EPB41L1: variants seen among roughly 807,000 people sequenced by gnomAD.
EPB41L1 encodes the protein erythrocyte membrane protein band 4.1 like 1, also known as band 4.1-like protein 1.
A neutral mutation model predicts 97.8 loss-of-function variants in EPB41L1; 29 were observed. The ratio of observed to expected loss-of-function variants is 0.30; its 90% confidence interval spans 0.22 to 0.40. The LOEUF is 0.40. EPB41L1 is among the 10% of genes least tolerant of loss of function. The pLI, the probability that EPB41L1 is intolerant of heterozygous loss-of-function variation, is 1.00. For synonymous variants in EPB41L1, 383 were observed against 459.2 expected (o/e 0.83, Z 2.12); for missense variants, 812 against 1,162.3 (o/e 0.70, Z 4.38).
chr20:36,198,124 C>A, intron 14 of EPB41L1, 83 bp downstream of exon 14: 1 of 1,266,316 alleles, frequency 7.9e-7, no homozygotes. Flanking sequence ...ACTCATCCTC[C>A]ACACCAATAT....
intron 19 of EPB41L1, among the ~76,000 whole-genome samples, chr20:36,220,680 G>A (rs975551179): frequency 1.3e-5 from 2 of 152,170 alleles, no homozygotes; most frequent in African/African-American, 4.8e-5. Flanking sequence ...CTCAGGCCTG[G>A]TGGGGAGGGC....
intron 1 of EPB41L1, among the ~76,000 whole-genome samples, chr20:36,101,391 T>C (rs1205952908): frequency 6.6e-6 from 1 of 152,116 alleles, no homozygotes; most frequent in African/African-American, 2.4e-5. Flanking sequence ...TCTGGGCAGC[T>C]GCAGTCAGCT....
At chr20:36,179,393 A>T (rs1210724812) in intron 5 of EPB41L1, among the ~76,000 whole-genome samples, 2 of 152,234 alleles carry the variant, frequency 1.3e-5, no homozygotes, top group Admixed American at 1.3e-4. Flanking sequence ...AGAGAGAGGC[A>T]GTTATTACCT....
chr20:36,107,828 TA>T lies in EPB41L1; in HGVS notation c.-64-4585del, dbSNP rs879893254. 1.5e-3 allele frequency among the ~76,000 whole-genome samples: 220 copies of T among 143,640 alleles called. 1 individual carries two copies. Among genetic ancestry groups the T allele is most frequent in the African/African-American group, 2.8e-3 (109 of 39,592 alleles). The allele number at this position is 143,640 out of a possible 152,430, so 94.2% of individuals were successfully genotyped here. ...TGGGCGACAGAGTGAGACTCCATCTTAAAAAAAAAAAAATTGTAAAGGCAAG... is the reference window on the plus strand; with the variant it reads ...TGGGCGACAGAGTGAGACTCCATCTTAAAAAAAAAAAATTGTAAAGGCAAG... On this transcript the variant is annotated intron_variant, in intron 1 of 19. Transcript: ENST00000202028.
chr20:36,226,866 T>C (rs190026225), intron 21 of EPB41L1, among the ~76,000 whole-genome samples: 54 of 152,340 alleles, frequency 3.5e-4, no homozygotes, highest in South Asian at 2.7e-3. Context: ...CACTGACTTA[T>C]AGGACAGCCA....
chr20:36,171,434 A>G (rs2060983425), intron 1 of EPB41L1, among the ~76,000 whole-genome samples: 1 of 152,168 alleles, frequency 6.6e-6, no homozygotes, highest in South Asian at 2.1e-4. Context: ...TTGAGTGGAA[A>G]GCATTTCTGG....
chr20:36,132,205 G>C lies in EPB41L1; in HGVS notation c.-10+19725G>C, dbSNP rs147881549. 7.8e-3 allele frequency among the ~76,000 whole-genome samples: 1,194 copies of C among 152,204 alleles called. 13 individuals carry two copies. Among genetic ancestry groups the C allele is most frequent in the African/African-American group, 0.027 (1,134 of 41,522 alleles). On this transcript the variant is annotated intron_variant, in intron 2 of 19. Coordinates refer to the EPB41L1 transcript ENST00000202028. ...ACAAATGGATGACCCTAGACTTCTA[G>C]AGGTCAAAATCTGAAAATGGACCTT...
chr20:36,093,684 CGTGCGT>C lies in EPB41L1; in HGVS notation c.-65+2076_-65+2081del, dbSNP rs1266617376. ...TGCTTGAAGCCCGTGTGCGTGCGTGCGTGCGTGTGTGTGTGTGTGTATGTGTATGCG... is the reference window on the plus strand; with the variant it reads ...TGCTTGAAGCCCGTGTGCGTGCGTGCGTGTGTGTGTGTGTATGTGTATGCG... On this transcript the variant is annotated intron_variant, in intron 1 of 19. Coordinates refer to the EPB41L1 transcript ENST00000202028. This position sits in a 1 kb window ranked among gnomAD's most constrained non-coding sequence, Gnocchi z 5.4. Among the ~76,000 whole-genome samples the C allele has an allele frequency of 6.4e-3, 916 of 143,238 alleles. 5 individuals carry two copies. Among genetic ancestry groups the C allele is most frequent in the African/African-American group, 0.022 (828 of 37,348 alleles). 94.0% of individuals were successfully genotyped at this position (143,238 alleles called of 152,430 possible). A position where few individuals can be genotyped will look rare whatever the true frequency, so the allele number is the denominator to read the frequency against.
rs1337801844 is a variant in EPB41L1 at position 36,207,822 on chromosome 20, G to A, written c.1669-1666G>A. Reference sequence around the variant, plus strand: ...GCCCCCGCCCCCACCGCTGCTCCCCGCCCATGGGGGCTGGCCGCATGCTCT... The same window carrying A: ...GCCCCCGCCCCCACCGCTGCTCCCCACCCATGGGGGCTGGCCGCATGCTCT... On this transcript the variant is annotated intron_variant, in intron 14 of 21. Transcript: ENST00000338074. The surrounding 1 kb of genome is among the most constrained non-coding windows in gnomAD (Gnocchi z 4.9). 33 of 1,263,906 alleles carry A rather than the reference G, an allele frequency of 2.6e-5. No homozygotes were observed. Among genetic ancestry groups the A allele is most frequent in the South Asian group, 3.9e-5 (3 of 76,866 alleles). The allele number at this position is 1,263,906 out of a possible 1,614,324, so 78.3% of individuals were successfully genotyped here.
chr20:36,130,091 G>T (rs987850417), intron 2 of EPB41L1, among the ~76,000 whole-genome samples: 1 of 151,900 alleles, frequency 6.6e-6, no homozygotes, highest in Non-Finnish European at 1.5e-5. Flanking sequence ...ACAGGCACCC[G>T]CCACCATGCC....
rs186922758 is a variant in EPB41L1, at chr20:36,123,248, G to A, written c.-10+10768G>A. 2.3e-4 allele frequency among the ~76,000 whole-genome samples: 35 copies of A among 152,100 alleles called. No individual in the cohort carries two copies. In the East Asian group the frequency reaches 5.6e-3, roughly 24 times the overall value. ...GCACTTGCTGCCTCCTGTTCCTCCC[G>A]ACCTTCAGACCAGCCCAGGGTCTAG... On this transcript the variant is annotated intron_variant, in intron 2 of 19. Transcript: ENST00000202028.
Position 36,212,461 on chromosome 20 carries a change from G to A in EPB41L1, c.2184+85G>A. 1 of 1,156,640 alleles carries A rather than the reference G, an allele frequency of 8.6e-7. No individual in the cohort carries two copies. Among genetic ancestry groups the A allele is most frequent in the Non-Finnish European group, 1.3e-6 (1 of 776,808 alleles). 71.6% of individuals were successfully genotyped at this position (1,156,640 alleles called of 1,614,324 possible). Reference sequence around the variant, plus strand: ...CCCACTGCTGTGGCCAAACCCCTTGGCCAGCTCTTTTAATCTCAGCTTCCC... The same window carrying A: ...CCCACTGCTGTGGCCAAACCCCTTGACCAGCTCTTTTAATCTCAGCTTCCC... On this transcript the variant is annotated intron_variant, in intron 16 of 21. Transcript: ENST00000338074. This position sits in a 1 kb window ranked among gnomAD's most constrained non-coding sequence, Gnocchi z 4.8.
At chr20:36,226,708 G>C (rs2064175826) in intron 21 of EPB41L1, among the ~76,000 whole-genome samples, 1 of 152,138 alleles carries the variant, frequency 6.6e-6, no homozygotes, top group Non-Finnish European at 1.5e-5. Context: ...CTTGAAATAG[G>C]CTAACAAAAT....
intron 6 of EPB41L1, among the ~76,000 whole-genome samples, chr20:36,183,543 C>T (rs1191682046): frequency 2.0e-5 from 3 of 152,172 alleles, no homozygotes; most frequent in Admixed American, 6.5e-5. Flanking sequence ...CCTACTGATA[C>T]CTCTCCTGTT....
chr20:36,186,261 C>T (rs2061679523), intron 7 of EPB41L1, among the ~76,000 whole-genome samples: 1 of 152,102 alleles, frequency 6.6e-6, no homozygotes, highest in Admixed American at 6.6e-5. Context: ...GTATTTGGGG[C>T]TGTAAGTCCA....
intron 1 of EPB41L1, among the ~76,000 whole-genome samples, chr20:36,101,237 G>GA (rs1555826921): frequency 6.6e-6 from 1 of 151,972 alleles, no homozygotes; most frequent in Non-Finnish European, 1.5e-5. Flanking sequence ...TCCACCAGAA[G>GA]AAAAAAAGGA....
At chr20:36,222,149 A>C (rs1001239472) in intron 20 of EPB41L1, 129 bp from the exon 21 acceptor site, 1 of 990,190 alleles carries the variant, frequency 1.0e-6, no homozygotes, top group Non-Finnish European at 1.6e-6. Context: ...CTCTCCCTTT[A>C]GTTGTTTGAC....
intron 14 of EPB41L1, among the ~76,000 whole-genome samples, chr20:36,204,710 C>T (rs770826876): frequency 1.3e-5 from 2 of 150,812 alleles, no homozygotes; most frequent in Non-Finnish European, 2.9e-5. Context: ...GGCACAGTCT[C>T]GGCTCACTGC....
chr20:36,172,331 G>A (rs555368137), intron 1 of EPB41L1, among the ~76,000 whole-genome samples: 2 of 152,194 alleles, frequency 1.3e-5, no homozygotes, highest in East Asian at 1.9e-4. Context: ...TGCCTGCCTC[G>A]GCCTCCCAAA....
Sources: allele counts gnomAD v4.1 joint callset (sites outside exome capture counted in the v4.1 genomes callset), GRCh38; gene constraint gnomAD v4.1.1; non-coding constraint Gnocchi (gnomAD v3.1); transcripts MANE v1.5; gene names NCBI Gene and HGNC (gene_info 2026-07-23, HGNC 2026-07-21).